The following STAU2 variants were observed in gnomAD, a reference collection of about 807,000 sequenced individuals.
The protein encoded by STAU2 is double-stranded RNA-binding protein Staufen homolog 2.
Under a neutral mutation model 65.9 loss-of-function variants are expected in STAU2, and 20 were observed. The observed-to-expected ratio is 0.30, with a 90% CI of 0.21 to 0.44. The LOEUF is 0.44. Ranked by LOEUF, STAU2 falls within the 20% of genes least tolerant of loss-of-function variation. STAU2 has a pLI of 1.00. For missense variants in STAU2, 558 were observed against 683.9 expected (o/e 0.82, Z 2.05); for synonymous variants, 232 against 233.9 (o/e 0.99, Z 0.07).
intron 12 of STAU2, among the ~76,000 whole-genome samples, chr8:73,567,296 T>C (rs1048672129): frequency 1.3e-5 from 2 of 152,158 alleles, no homozygotes; most frequent in African/African-American, 2.4e-5. Flanking sequence ...TCACCTCAGG[T>C]TGGGAGTTTG....
At chr8:73,715,985 G>A (rs947019007) in intron 3 of STAU2, among the ~76,000 whole-genome samples, 5 of 152,214 alleles carry the variant, frequency 3.3e-5, no homozygotes, top group Admixed American at 2.6e-4. Context: ...CGCAATCTCG[G>A]CTCACTGCAA....
chr8:73,593,657 A>G (rs1326581611), intron 11 of STAU2, among the ~76,000 whole-genome samples: 1 of 152,154 alleles, frequency 6.6e-6, no homozygotes, highest in East Asian at 1.9e-4. Flanking sequence ...ACCCTCCACA[A>G]TGTGGGTAGT....
chr8:73,533,526 T>G (rs1037700526), intron 13 of STAU2, among the ~76,000 whole-genome samples: 3 of 152,220 alleles, frequency 2.0e-5, no homozygotes, highest in African/African-American at 7.2e-5. Flanking sequence ...ATATTGACTT[T>G]GCCAGTCTAA....
chr8:73,636,273 A>G (rs1160429556), intron 6 of STAU2, among the ~76,000 whole-genome samples: 1 of 152,050 alleles, frequency 6.6e-6, no homozygotes, highest in East Asian at 1.9e-4. Flanking sequence ...GCTACTCAGG[A>G]GGCGGAGGTG....
intron 6 of STAU2, among the ~76,000 whole-genome samples, chr8:73,634,968 T>C (rs1814383486): frequency 6.6e-6 from 1 of 152,190 alleles, no homozygotes; most frequent in Admixed American, 6.5e-5. Flanking sequence ...CTCCCCCAAC[T>C]AGAATGTACA....
intron 4 of STAU2, among the ~76,000 whole-genome samples, chr8:73,695,709 G>A (rs1432047156): frequency 6.6e-6 from 1 of 152,152 alleles, no homozygotes; most frequent in Non-Finnish European, 1.5e-5. Context: ...CTACTTCAGG[G>A]AGCCCACTGC....
At chr8:73,659,744 G>C (rs944718471) in intron 6 of STAU2, among the ~76,000 whole-genome samples, 1 of 152,062 alleles carries the variant, frequency 6.6e-6, no homozygotes, top group African/African-American at 2.4e-5. Flanking sequence ...TCAAATAAAA[G>C]AATAGAGAAT....
intron 14 of STAU2, among the ~76,000 whole-genome samples, chr8:73,421,830 G>A (rs569670841): frequency 6.6e-6 from 1 of 152,114 alleles, no homozygotes; most frequent in South Asian, 2.1e-4. Context: ...TACTTCCTGG[G>A]TTGACTATTT....
intron 3 of STAU2, among the ~76,000 whole-genome samples, chr8:73,724,653 T>TTGTGTGTG (rs369351905): frequency 0.011 from 1,133 of 99,984 alleles, 11 homozygotes; most frequent in East Asian, 0.027. Flanking sequence ...GTTCAGTAGG[T>TTGTGTGTG]TGTGTGTGTG....
intron 12 of STAU2, among the ~76,000 whole-genome samples, chr8:73,566,745 G>A (rs184746088): frequency 1.9e-4 from 29 of 152,228 alleles, no homozygotes; most frequent in Admixed American, 1.4e-3. Flanking sequence ...TAAAACATGT[G>A]AGGTTGGACA....
intron 12 of STAU2, among the ~76,000 whole-genome samples, chr8:73,559,882 G>A (rs1019071620): frequency 6.6e-6 from 1 of 151,764 alleles, no homozygotes; most frequent in Non-Finnish European, 1.5e-5. Flanking sequence ...TACTACTTAT[G>A]AAATCAAAAA....
chr8:73,528,210 A>C (rs1190322422), intron 13 of STAU2, among the ~76,000 whole-genome samples: 1 of 152,204 alleles, frequency 6.6e-6, no homozygotes, highest in African/African-American at 2.4e-5. Context: ...TGTGACTGCC[A>C]CATAATTGGT....
At chr8:73,645,747 G>A (rs1815322832) in intron 6 of STAU2, among the ~76,000 whole-genome samples, 1 of 152,160 alleles carries the variant, frequency 6.6e-6, no homozygotes. Flanking sequence ...CTCAGGAAAT[G>A]TACAATCATG....
chr8:73,632,075 A>G (rs1197592236), intron 6 of STAU2, among the ~76,000 whole-genome samples: 1 of 152,092 alleles, frequency 6.6e-6, no homozygotes, highest in African/African-American at 2.4e-5. Context: ...CGAGCAAGAG[A>G]ACAAGGGCAA....
chr8:73,429,863 C>T (rs1050902833), intron 13 of STAU2, among the ~76,000 whole-genome samples: 1 of 152,300 alleles, frequency 6.6e-6, no homozygotes, highest in Admixed American at 6.5e-5. Context: ...CAAATAATTA[C>T]TTGAGGTAAG....
At chr8:73,735,013 C>T (rs1043174580) in intron 3 of STAU2, among the ~76,000 whole-genome samples, 1 of 152,160 alleles carries the variant, frequency 6.6e-6, no homozygotes, top group Non-Finnish European at 1.5e-5. Context: ...CAGTTCACTG[C>T]AGCCTCAACC....
At chr8:73,536,556 T>C (rs1218262023) in intron 13 of STAU2, among the ~76,000 whole-genome samples, 1 of 152,148 alleles carries the variant, frequency 6.6e-6, no homozygotes, top group Non-Finnish European at 1.5e-5. Context: ...CCAATTTCCT[T>C]GCTAAAGTTG....
chr8:73,723,125 CAT>C lies in STAU2; in HGVS notation c.-17-13965_-17-13964del, dbSNP rs1459625779. On this transcript the variant is annotated intron_variant, in intron 3 of 14. Coordinates refer to ENST00000524300, the MANE Select transcript of STAU2 (RefSeq NM_001164380.2). ...CCACACACCCACACACACACACACA[CAT>C]ACACACACACACACAACAGACTAAC... Among the ~76,000 whole-genome samples, 421 of 151,952 alleles carry C rather than the reference CAT, an allele frequency of 2.8e-3. 2 individuals are homozygous for C. Among genetic ancestry groups the C allele is most frequent in the Middle Eastern group, 0.01 (3 of 294 alleles).
intron 13 of STAU2, among the ~76,000 whole-genome samples, chr8:73,509,366 A>T (rs962734367): frequency 1.3e-5 from 2 of 152,238 alleles, no homozygotes; most frequent in South Asian, 2.1e-4. Flanking sequence ...GAGATATAGG[A>T]GCTCTTTATA....
Sources: allele counts gnomAD v4.1 joint callset (sites outside exome capture counted in the v4.1 genomes callset), GRCh38; gene constraint gnomAD v4.1.1; transcripts MANE v1.5; gene names NCBI Gene and HGNC (gene_info 2026-07-23, HGNC 2026-07-21).